Variants in CLK4 observed in about 807,000 individuals in gnomAD.
CLK4 encodes the protein dual specificity protein kinase CLK4.
CLK4 carries 37 observed loss-of-function variants against 64.4 expected under a neutral mutation model. The observed-to-expected ratio is 0.57, with a 90% CI of 0.44 to 0.76. The LOEUF (loss-of-function observed/expected upper bound fraction) is 0.76, where lower values mean the gene tolerates loss of function less well. Among genes scored for constraint, CLK4 ranks in the 30% least tolerant of loss-of-function variants. CLK4 has a pLI of 0.00. For synonymous variants in CLK4, 175 were observed against 191.6 expected (o/e 0.91, Z 0.72); for missense variants, 457 against 605.1 (o/e 0.76, Z 2.57).
In CLK4 at chr5:178,603,940, GA is replaced by G. The variant is rs367736635; in HGVS notation, c.1215-7del. ...GGTGAAAATACTTGCGTTTTCTACAGAAAAAAAAAAAAAGTCTGGATTAGTA... is the reference window on the plus strand; with the variant it reads ...GGTGAAAATACTTGCGTTTTCTACAGAAAAAAAAAAAAGTCTGGATTAGTA... On this transcript the variant is annotated splice_region_variant and splice_polypyrimidine_tract_variant and intron_variant, in intron 11 of 12. Transcript: ENST00000316308. 32,496 of 1,269,696 alleles carry G rather than the reference GA, an allele frequency of 0.026. 4 individuals carry two copies. The highest frequency in any genetic ancestry group is 0.037 in the East Asian group (1,393 of 37,470). 78.7% of individuals were successfully genotyped at this position (1,269,696 alleles called of 1,614,324 possible). A position where few individuals can be genotyped will look rare whatever the true frequency, so the allele number is the denominator to read the frequency against.
intron 5 of CLK4, 150 bp from the exon 6 acceptor site, chr5:178,613,993 T>A: frequency 5.2e-6 from 3 of 580,130 alleles, no homozygotes; most frequent in East Asian, 2.8e-5. Flanking sequence ...ATATAACATC[T>A]TCTTAAAACA....
At chr5:178,612,945 A>G (rs1764577592) in intron 7 of CLK4, 55 bp from the exon 8 acceptor site, 2 of 831,884 alleles carry the variant, frequency 2.4e-6, no homozygotes, top group Non-Finnish European at 4.0e-6. Flanking sequence ...AATTTGTACT[A>G]GGAGGGAAAG....
intron 10 of CLK4, among the ~76,000 whole-genome samples, chr5:178,606,121 AAAG>A (rs556300825): frequency 5.4e-4 from 82 of 152,356 alleles, no homozygotes; most frequent in South Asian, 5.2e-3. Context: ...TTCACATTTT[AAAG>A]AAATTCCTTA....
At chr5:178,608,539 C>T in intron 9 of CLK4, 81 bp from the exon 10 acceptor site, 1 of 987,970 alleles carries the variant, frequency 1.0e-6, no homozygotes, top group Non-Finnish European at 1.5e-6. Context: ...TATATGAGTG[C>T]TCCCTTTACA....
At chr5:178,626,704 C>T (rs1224098168) in intron 1 of CLK4, among the ~76,000 whole-genome samples, 1 of 142,012 alleles carries the variant, frequency 7.0e-6, no homozygotes, top group Admixed American at 6.9e-5. Context: ...GGACCGCGAG[C>T]CCACGGCCTC....
chr5:178,607,378 T>C (rs1764481948), intron 10 of CLK4, among the ~76,000 whole-genome samples: 1 of 152,152 alleles, frequency 6.6e-6, no homozygotes, highest in Admixed American at 6.5e-5. Context: ...TTACAGATAC[T>C]ATTTCTTCTT....
At chr5:178,607,694 TAG>T (rs1209373246) in intron 10 of CLK4, among the ~76,000 whole-genome samples, 3 of 151,870 alleles carry the variant, frequency 2.0e-5, no homozygotes, top group Non-Finnish European at 4.4e-5. Context: ...ATACTTTTAG[TAG>T]AGACAGGGTT....
At chr5:178,612,698 TATA>T (rs1214683901) in intron 8 of CLK4, 95 bp downstream of exon 8, 2 of 1,066,402 alleles carry the variant, frequency 1.9e-6, no homozygotes, top group East Asian at 2.4e-5. Flanking sequence ...AACAACAGGA[TATA>T]ATAAGGCTCA....
chr5:178,605,402 G>T lies in CLK4; in HGVS notation c.1135-20C>A, dbSNP rs754990853. On this transcript the variant is annotated intron_variant, in intron 10 of 12. Transcript: ENST00000316308. ...ATGAGTCTAAAACATGTAAGAAAAA[G>T]AAATTTAGTACTCTCCATTTCCCTA... 5.6e-6 allele frequency: 8 copies of T among 1,434,036 alleles called. No individual in the cohort carries two copies. The highest frequency in any genetic ancestry group is 5.7e-6 in the Non-Finnish European group (6 of 1,053,662). The allele number at this position is 1,434,036 out of a possible 1,614,324, so 88.8% of individuals were successfully genotyped here. A position where few individuals can be genotyped will look rare whatever the true frequency, so the allele number is the denominator to read the frequency against.
intron 2 of CLK4, chr5:178,619,979 T>C (rs1297498921): frequency 2.3e-6 from 1 of 440,184 alleles, no homozygotes; most frequent in African/African-American, 2.0e-5. Flanking sequence ...GGATGTTGAC[T>C]AGATTGCCCT....
intron 2 of CLK4, chr5:178,619,857 C>T (rs1186919813): frequency 5.1e-6 from 6 of 1,183,104 alleles, no homozygotes; most frequent in Non-Finnish European, 5.6e-6. Flanking sequence ...GTGTCCTCTT[C>T]AACAGAGTGC....
intron 2 of CLK4, chr5:178,619,873 T>C (rs1764682438): frequency 2.9e-6 from 3 of 1,046,306 alleles, no homozygotes; most frequent in African/African-American, 3.3e-5. Flanking sequence ...AGTGCGAAGC[T>C]TCAAGAGGGA....
At chr5:178,608,889 CTTATCAA>C (rs1474893842) in intron 9 of CLK4, among the ~76,000 whole-genome samples, 1 of 152,128 alleles carries the variant, frequency 6.6e-6, no homozygotes, top group East Asian at 1.9e-4. Context: ...TTACTAATGC[CTTATCAA>C]TTATCATCAG....
chr5:178,611,876 T>A (rs1041634072), intron 9 of CLK4, among the ~76,000 whole-genome samples: 1 of 152,202 alleles, frequency 6.6e-6, no homozygotes, highest in Non-Finnish European at 1.5e-5. Flanking sequence ...ACCTGATCTA[T>A]AACTTTTAAT....
intron 1 of CLK4, among the ~76,000 whole-genome samples, chr5:178,624,771 A>T (rs1331010997): frequency 6.6e-6 from 1 of 152,190 alleles, no homozygotes; most frequent in Non-Finnish European, 1.5e-5. Context: ...AATGACTAAT[A>T]AGCAAACAAA....
At chr5:178,610,283 G>A (rs960800695) in intron 9 of CLK4, among the ~76,000 whole-genome samples, 19 of 150,932 alleles carry the variant, frequency 1.3e-4, no homozygotes, top group Non-Finnish European at 1.9e-4. Flanking sequence ...GTGCAAGACT[G>A]CGTCTCAAAA....
chr5:178,612,688 A>T (rs1456565758), intron 8 of CLK4, 108 bp downstream of exon 8: 2 of 1,085,478 alleles, frequency 1.8e-6, no homozygotes, highest in East Asian at 4.8e-5. Flanking sequence ...TTTTTGGTTA[A>T]ACAACAGGAT....
chr5:178,626,674 C>G (rs1334174935), intron 1 of CLK4, among the ~76,000 whole-genome samples: 1 of 151,542 alleles, frequency 6.6e-6, no homozygotes, highest in Non-Finnish European at 1.5e-5. Flanking sequence ...AACCAACAGC[C>G]GCGCTCGCCA....
chr5:178,605,844 T>G (rs13356921), intron 10 of CLK4: 9,481 of 152,396 alleles, frequency 0.062, 871 homozygotes, highest in African/African-American at 0.21. Flanking sequence ...GGTATGCTTC[T>G]AGAGCAGAGG....
Sources: gnomAD v4.1 joint callset for allele counts (sites outside exome capture counted in the v4.1 genomes callset) on GRCh38, gnomAD v4.1.1 for gene constraint, MANE v1.5 for transcripts, NCBI Gene and HGNC (gene_info 2026-07-23, HGNC 2026-07-21) for gene names.